The following CDH8 variants were observed in gnomAD, a reference collection of about 807,000 sequenced individuals.
CDH8 encodes cadherin-8.
In CDH8, 17 loss-of-function variants were observed where a neutral mutation model predicts 68.1. The observed-to-expected ratio is 0.25, with a 90% CI of 0.17 to 0.37. The LOEUF (loss-of-function observed/expected upper bound fraction) is 0.37, where lower values mean the gene tolerates loss of function less well. CDH8 is among the 10% of genes least tolerant of loss of function. CDH8 has a pLI of 1.00. For synonymous variants in CDH8, 372 were observed against 365.1 expected, an observed-to-expected ratio of 1.02 and a Z score of -0.21; for missense variants, 763 against 999.3, an observed-to-expected ratio of 0.76 and a Z score of 3.19.
intron 2 of CDH8, among the ~76,000 whole-genome samples, chr16:61,991,563 C>A (rs114968724): frequency 4.7e-4 from 71 of 152,264 alleles, no homozygotes; most frequent in Non-Finnish European, 6.8e-4. Flanking sequence ...GAGAATACAT[C>A]GTCATCTACT....
chr16:61,962,985 T>G (rs1435762416), intron 2 of CDH8, among the ~76,000 whole-genome samples: 1 of 152,228 alleles, frequency 6.6e-6, no homozygotes, highest in African/African-American at 2.4e-5. Context: ...GTATTTTTAA[T>G]GACTATGCAC....
chr16:61,655,690 A>C lies in CDH8; in HGVS notation c.1686T>G (p.Asn562Lys), dbSNP rs764747942. ...DNSLSILAKH[N>K]GFNRQKQEVY... ...CTTCTTGCTTCTGGCGGTTGAATCC[A>C]TTATGCTTTGCCAAAATACTGAGGG... The change falls in exon 11 of 12, where the codon AAT becomes AAG. Residue 562 changes from asparagine (N) to lysine (K), a missense_variant. Asn to Lys is a moderately conservative substitution (Grantham distance 94). This residue lies in a region of CDH8 where 397 missense variants were observed against 436.2 expected (regional missense o/e 0.91). Transcript: ENST00000577390. 120 of 1,614,038 alleles carry C rather than the reference A, an allele frequency of 7.4e-5. 1 individual carries two copies. In the East Asian group the frequency reaches 2.6e-3, roughly 35 times the overall value.
chr16:61,702,158 G>C (rs1964442049), intron 10 of CDH8, among the ~76,000 whole-genome samples: 1 of 152,116 alleles, frequency 6.6e-6, no homozygotes. Context: ...GGATCACGAG[G>C]TCAGGAGATC....
At chr16:62,009,119 T>G (rs2150602646) in intron 2 of CDH8, among the ~76,000 whole-genome samples, 1 of 152,260 alleles carries the variant, frequency 6.6e-6, no homozygotes, top group Non-Finnish European at 1.5e-5. Flanking sequence ...GGAGTCTGAC[T>G]TGCTTCTAAG....
chr16:61,767,458 C>A (rs1960623933), intron 8 of CDH8, among the ~76,000 whole-genome samples: 1 of 151,812 alleles, frequency 6.6e-6, no homozygotes, highest in African/African-American at 2.4e-5. Context: ...AGCCATGGAC[C>A]ATTTTATATA....
chr16:61,691,923 T>C (rs1964232091), intron 10 of CDH8: 1 of 152,150 alleles, frequency 6.6e-6, no homozygotes, highest in Non-Finnish European at 1.5e-5. Context: ...AATAATGTGA[T>C]ATGCAGGGGA....
intron 8 of CDH8, among the ~76,000 whole-genome samples, chr16:61,773,884 T>C (rs192004174): frequency 6.6e-6 from 1 of 152,052 alleles, no homozygotes; most frequent in African/African-American, 2.4e-5. Flanking sequence ...GCATTACAAG[T>C]AAGTGAGTGG....
At chr16:61,813,658 C>G (rs1962007044) in intron 7 of CDH8, among the ~76,000 whole-genome samples, 1 of 152,120 alleles carries the variant, frequency 6.6e-6, no homozygotes, top group African/African-American at 2.4e-5. Context: ...GTTAGCATGA[C>G]TCTTATCTTG....
chr16:61,735,644 T>A (rs1286535779), intron 8 of CDH8, among the ~76,000 whole-genome samples: 1 of 152,170 alleles, frequency 6.6e-6, no homozygotes, highest in East Asian at 1.9e-4. Flanking sequence ...TATTCATTTA[T>A]CCTACAAGTT....
intron 3 of CDH8, among the ~76,000 whole-genome samples, chr16:61,864,292 C>CGGTTGGTTGGTTGGTT (rs59862418): frequency 6.9e-6 from 1 of 145,980 alleles, no homozygotes; most frequent in East Asian, 2.1e-4. Context: ...GCTGGATGTC[C>CGGTTGGTTGGTTGGTT]GGTTGGTTGG....
chr16:61,654,563 A>C (rs1963398194), intron 11 of CDH8, among the ~76,000 whole-genome samples: 1 of 152,160 alleles, frequency 6.6e-6, no homozygotes, highest in African/African-American at 2.4e-5. Context: ...CAATTAAATT[A>C]TGTTCTTTTA....
chr16:62,025,700 G>T (rs990716635), intron 1 of CDH8, among the ~76,000 whole-genome samples: 49 of 152,054 alleles, frequency 3.2e-4, no homozygotes, highest in Non-Finnish European at 4.9e-4. Flanking sequence ...GAAATAGACT[G>T]TTTTTGAAAT....
At chr16:62,006,238 T>C (rs563518627) in intron 2 of CDH8, among the ~76,000 whole-genome samples, 146 of 152,312 alleles carry the variant, frequency 9.6e-4, no homozygotes, top group African/African-American at 3.3e-3. Context: ...TCGTGTTCGA[T>C]AAAAGTAAGC....
intron 8 of CDH8, among the ~76,000 whole-genome samples, chr16:61,756,408 T>A (rs1323117061): frequency 6.6e-6 from 1 of 152,194 alleles, no homozygotes; most frequent in Non-Finnish European, 1.5e-5. Flanking sequence ...TATAGCGGAT[T>A]ACTAGTAAAG....
intron 4 of CDH8, among the ~76,000 whole-genome samples, chr16:61,843,998 T>G: frequency 6.6e-6 from 1 of 152,004 alleles, no homozygotes; most frequent in Non-Finnish European, 1.5e-5. Flanking sequence ...GCGGCACTAT[T>G]CACAATAGCA....
intron 10 of CDH8, among the ~76,000 whole-genome samples, chr16:61,670,922 A>T (rs1963778698): frequency 2.0e-5 from 3 of 152,070 alleles, no homozygotes; most frequent in South Asian, 4.1e-4. Context: ...ATAACTTATG[A>T]ATTGTTTATT....
chr16:61,671,937 C>A (rs1326122501), intron 10 of CDH8, among the ~76,000 whole-genome samples: 2 of 152,050 alleles, frequency 1.3e-5, no homozygotes, highest in Non-Finnish European at 1.5e-5. Context: ...ACATCAAACT[C>A]ATTCAAACTC....
chr16:61,971,839 G>C (rs1401009084), intron 2 of CDH8, among the ~76,000 whole-genome samples: 1 of 152,160 alleles, frequency 6.6e-6, no homozygotes, highest in Non-Finnish European at 1.5e-5. Flanking sequence ...TTAACTGTAT[G>C]CCAGGAAATG....
At chr16:61,790,108 A>G (rs1961344820) in intron 7 of CDH8, among the ~76,000 whole-genome samples, 1 of 152,034 alleles carries the variant, frequency 6.6e-6, no homozygotes, top group South Asian at 2.1e-4. Context: ...ATGTTTTTTA[A>G]AAGTTAGAAT....
Sources: gnomAD v4.1 joint callset for allele counts (sites outside exome capture counted in the v4.1 genomes callset) on GRCh38, gnomAD v4.1.1 for gene constraint, gnomAD v4.1.1 regional missense constraint, MANE v1.5 for transcripts, NCBI Gene and HGNC (gene_info 2026-07-23, HGNC 2026-07-21) for gene names.